UBE2M: variants seen among roughly 807,000 people sequenced by gnomAD.
UBE2M encodes the protein ubiquitin conjugating enzyme E2 M, also known as NEDD8-conjugating enzyme Ubc12.
A neutral mutation model predicts 23.5 loss-of-function variants in UBE2M; 2 were observed. The observed-to-expected ratio is 0.09, with a 90% CI of 0.03 to 0.27. UBE2M has a LOEUF of 0.27. UBE2M is among the 10% of genes least tolerant of loss of function. The probability of loss-of-function intolerance (pLI) is 1.00; values close to 1 mark genes in which losing one functional copy is unlikely to be tolerated. For synonymous variants in UBE2M, 97 were observed against 95.2 expected (o/e 1.02, Z -0.11); for missense variants, 103 against 232.9 (o/e 0.44, Z 3.63).
In UBE2M at chr19:58,555,953, G is replaced by C; in HGVS notation, c.*136C>G. 2.4e-6 allele frequency: 3 copies of C among 1,245,272 alleles called. No individual in the cohort carries two copies. The highest frequency in any genetic ancestry group is 3.3e-6 in the Non-Finnish European group (3 of 922,190). 77.1% of individuals were successfully genotyped at this position (1,245,272 alleles called of 1,614,324 possible). Reference sequence around the variant, plus strand: ...AAAAAAAAATAACTAGGGGCACGTGGCAGGAAGGGGAGGCAAGGCCAAGGC... The same window carrying C: ...AAAAAAAAATAACTAGGGGCACGTGCCAGGAAGGGGAGGCAAGGCCAAGGC... On this transcript the variant is annotated 3_prime_UTR_variant, in exon 6 of 6. Transcript: ENST00000253023.
chr19:58,555,786 C>T lies in UBE2M; in HGVS notation c.*303G>A. ...GGGTGGGTTGCCTGGGCCCAGCTACCCAGGCCCGTTGCCCACCCACTCCAC... is the reference window on the plus strand; with the variant it reads ...GGGTGGGTTGCCTGGGCCCAGCTACTCAGGCCCGTTGCCCACCCACTCCAC... On this transcript the variant is annotated 3_prime_UTR_variant, in exon 6 of 6. Coordinates refer to ENST00000253023, the MANE Select transcript of UBE2M (RefSeq NM_003969.4). The T allele has an allele frequency of 2.4e-6, 1 of 420,276 alleles. No individual in the cohort carries two copies. Among genetic ancestry groups the T allele is most frequent in the Non-Finnish European group, 4.4e-6 (1 of 225,954 alleles). 26.0% of individuals were successfully genotyped at this position (420,276 alleles called of 1,614,324 possible).
At position 58,556,495 on chromosome 19, in the gene UBE2M, G is replaced by GA. The variant is rs1233155129; in HGVS notation, c.348-117dup. The stretch of plus-strand genomic sequence containing the variant: ...GGAGAGTGAGCATGTGAGAGGCTGG[G>GA]AGGGAGGGTGTGGAGCAGGACAGGC... On this transcript the variant is annotated intron_variant, in intron 4 of 5. Coordinates refer to ENST00000253023, the MANE Select transcript of UBE2M (RefSeq NM_003969.4). The surrounding 1 kb of genome is among the most constrained non-coding windows in gnomAD (Gnocchi z 4.9). 1 of 1,226,408 alleles carries GA rather than the reference G, an allele frequency of 8.2e-7. No individual in the cohort carries two copies. The highest frequency in any genetic ancestry group is 1.5e-5 in the African/African-American group (1 of 66,352). The allele number at this position is 1,226,408 out of a possible 1,614,324, so 76.0% of individuals were successfully genotyped here. A position where few individuals can be genotyped will look rare whatever the true frequency, so the allele number is the denominator to read the frequency against.
At chr19:58,557,655 C>G (rs560856950) in intron 1 of UBE2M, among the ~76,000 whole-genome samples, 1 of 151,500 alleles carries the variant, frequency 6.6e-6, no homozygotes, top group African/African-American at 2.4e-5. Context: ...CCCCAACCCC[C>G]GCCACCCTAC....
rs1238327204 is a variant in UBE2M at position 58,555,838 on chromosome 19, C to G, written c.*251G>C. On this transcript the variant is annotated 3_prime_UTR_variant, in exon 6 of 6. Coordinates refer to ENST00000253023, the MANE Select transcript of UBE2M (RefSeq NM_003969.4). Reference sequence around the variant, plus strand: ...GCCCAGAGTGGGGGCTGAACAAGCACCCAGCAGGGGGGCTAGACAAGCCAA... The same window carrying G: ...GCCCAGAGTGGGGGCTGAACAAGCAGCCAGCAGGGGGGCTAGACAAGCCAA... 5.5e-6 allele frequency: 3 copies of G among 549,768 alleles called. No homozygotes were observed. Among genetic ancestry groups the G allele is most frequent in the Non-Finnish European group, 9.7e-6 (3 of 309,084 alleles). The allele number at this position is 549,768 out of a possible 1,614,324, so 34.1% of individuals were successfully genotyped here. A position where few individuals can be genotyped will look rare whatever the true frequency, so the allele number is the denominator to read the frequency against.
At position 58,558,257 on chromosome 19, in the gene UBE2M, T is replaced by A. The variant is rs773064183; in HGVS notation, c.109+16A>T. 6.3e-7 allele frequency: 1 copy of A among 1,579,540 alleles called. No individual in the cohort carries two copies. The highest frequency in any genetic ancestry group is 8.6e-7 in the Non-Finnish European group (1 of 1,160,978). ...CCTCCGACCTCCGGCTCCAACCCCA[T>A]CCCCTGACCCCCTACCCTTCTGGAT... On this transcript the variant is annotated intron_variant, in intron 1 of 5. Coordinates refer to ENST00000253023, the MANE Select transcript of UBE2M (RefSeq NM_003969.4). The surrounding 1 kb of genome is among the most constrained non-coding windows in gnomAD (Gnocchi z 4.7).
chr19:58,557,635 A>T (rs2053900998), intron 1 of UBE2M, among the ~76,000 whole-genome samples: 1 of 136,492 alleles, frequency 7.3e-6, no homozygotes, highest in Non-Finnish European at 1.6e-5. Context: ...TGACCCCCAC[A>T]CTCTCAAGTC....
In UBE2M at chr19:58,557,101, C is replaced by T. The variant is rs1254977149; in HGVS notation, c.166G>A (p.Asp56Asn). The change falls in exon 2 of 6, where the codon GAC (aspartate) becomes AAC (asparagine). Residue 56 changes from aspartate (D) to asparagine (N), a missense_variant. Asp to Asn is a conservative substitution (Grantham distance 23). This residue lies in a region of UBE2M where 57 missense variants were observed against 103.3 expected (regional missense o/e 0.55). Transcript: ENST00000253023. Reference sequence around the variant, plus strand: ...ATGACCAGCTTGAAGTTGAGGAGGTCGTCTGGATCTGAGAAGCTGATATCA... The same window carrying T: ...ATGACCAGCTTGAAGTTGAGGAGGTTGTCTGGATCTGAGAAGCTGATATCA... ...TCDISFSDPD[D>N]LLNFKLVICP... The T allele has an allele frequency of 1.2e-6, 2 of 1,613,930 alleles. No individual in the cohort carries two copies. The highest frequency in any genetic ancestry group is 2.2e-5 in the East Asian group (1 of 44,866).
rs2122656051 is a variant in UBE2M at position 58,556,552 on chromosome 19, A to G, written c.347+135T>C. On this transcript the variant is annotated intron_variant, in intron 4 of 5. Coordinates refer to ENST00000253023, the MANE Select transcript of UBE2M (RefSeq NM_003969.4). The surrounding 1 kb of genome is among the most constrained non-coding windows in gnomAD (Gnocchi z 4.9). ...GAAAACCAAGGTCAGGCCATGAGGAAGATGACTGGGAAATCAAGAAACCAC... is the reference window on the plus strand; with the variant it reads ...GAAAACCAAGGTCAGGCCATGAGGAGGATGACTGGGAAATCAAGAAACCAC... The G allele has an allele frequency of 2.8e-6, 3 of 1,072,126 alleles. No homozygotes were observed. The highest frequency in any genetic ancestry group is 5.1e-5 in the East Asian group (2 of 39,264). 66.4% of individuals were successfully genotyped at this position (1,072,126 alleles called of 1,614,324 possible).
At position 58,558,404 on chromosome 19, in the gene UBE2M, C is replaced by A. The variant is rs763458441; in HGVS notation, c.-23G>T. On this transcript the variant is annotated 5_prime_UTR_variant, in exon 1 of 6. Transcript: ENST00000253023. This position sits in a 1 kb window ranked among gnomAD's most constrained non-coding sequence, Gnocchi z 4.7. ...CATCCTGCCGCCGCCGCCGCCGCTG[C>A]CGCCGCCGCGGGGCCCGGGACCCCG... is the stretch of plus-strand genomic sequence containing the variant. 1.6e-6 allele frequency: 2 copies of A among 1,288,944 alleles called. No homozygotes were observed. Among genetic ancestry groups the A allele is most frequent in the Admixed American group, 2.6e-5 (1 of 37,872 alleles). 79.8% of individuals were successfully genotyped at this position (1,288,944 alleles called of 1,614,324 possible).
chr19:58,557,212 G>A (rs2053897578), intron 1 of UBE2M, 55 bp from the exon 2 acceptor site: 3 of 1,508,430 alleles, frequency 2.0e-6, no homozygotes, highest in South Asian at 2.2e-5. Flanking sequence ...AAGAGAGAGA[G>A]AGAGGGAGCC....
In UBE2M at chr19:58,556,470, G is replaced by A; in HGVS notation, c.348-91C>T. The stretch of plus-strand genomic sequence containing the variant: ...TTGGGCAGGTCAGATCCAGGGCATA[G>A]GAGAGTGAGCATGTGAGAGGCTGGG... On this transcript the variant is annotated intron_variant, in intron 4 of 5. Transcript: ENST00000253023. This position sits in a 1 kb window ranked among gnomAD's most constrained non-coding sequence, Gnocchi z 4.9. 1.4e-6 allele frequency: 2 copies of A among 1,405,652 alleles called. No homozygotes were observed. Among genetic ancestry groups the A allele is most frequent in the Non-Finnish European group, 2.0e-6 (2 of 1,006,202 alleles). The allele number at this position is 1,405,652 out of a possible 1,614,324, so 87.1% of individuals were successfully genotyped here.
chr19:58,556,553 G>C lies in UBE2M; in HGVS notation c.347+134C>G. ...AAAACCAAGGTCAGGCCATGAGGAA[G>C]ATGACTGGGAAATCAAGAAACCACA... is the stretch of plus-strand genomic sequence containing the variant. On this transcript the variant is annotated intron_variant, in intron 4 of 5. Coordinates refer to ENST00000253023, the MANE Select transcript of UBE2M (RefSeq NM_003969.4). The surrounding 1 kb of genome is among the most constrained non-coding windows in gnomAD (Gnocchi z 4.9). 1 of 1,075,756 alleles carries C rather than the reference G, an allele frequency of 9.3e-7. No homozygotes were observed. The highest frequency in any genetic ancestry group is 1.6e-5 in the South Asian group (1 of 62,442). 66.6% of individuals were successfully genotyped at this position (1,075,756 alleles called of 1,614,324 possible).
At position 58,556,349 on chromosome 19, in the gene UBE2M, G is replaced by A. The variant is rs1397452243; in HGVS notation, c.378C>T (p.Asn126=). The change falls in exon 5 of 6, where the codon AAC becomes AAT. Residue 126 remains asparagine (N), a synonymous_variant. Coordinates refer to ENST00000253023, the MANE Select transcript of UBE2M (RefSeq NM_003969.4). The surrounding 1 kb of genome is among the most constrained non-coding windows in gnomAD (Gnocchi z 4.9). ...GATACTGCAGGCCATAAATTATGGAGTTTATCGTAAGGACTGGCTTCCAGT... is the reference window on the plus strand; with the variant it reads ...GATACTGCAGGCCATAAATTATGGAATTTATCGTAAGGACTGGCTTCCAGT... ...REDWKPVLTI[N]SIIYGLQYLF... is the part of the protein sequence containing the mutation. The A allele has an allele frequency of 6.2e-7, 1 of 1,614,118 alleles. No homozygotes were observed. The highest frequency in any genetic ancestry group is 1.7e-5 in the Admixed American group (1 of 60,028).
At position 58,556,875 on chromosome 19, in the gene UBE2M, G is replaced by C. The variant is rs753837589; in HGVS notation, c.243+17C>G. On this transcript the variant is annotated intron_variant, in intron 3 of 5. Coordinates refer to ENST00000253023, the MANE Select transcript of UBE2M (RefSeq NM_003969.4). The surrounding 1 kb of genome is among the most constrained non-coding windows in gnomAD (Gnocchi z 4.9). ...CTCCTCTGTCCAGGGAGCCATCCCT[G>C]CCCGCCTGGGACTCACCTTAAAACT... 3 of 1,613,940 alleles carry C rather than the reference G, an allele frequency of 1.9e-6. No individual in the cohort carries two copies. In the African/African-American group the frequency reaches 4.0e-5, roughly 22 times the overall value.
At chr19:58,557,191 AGAGG>A (rs1445100011) in intron 1 of UBE2M, 34 bp from the exon 2 acceptor site, 1 of 1,601,360 alleles carries the variant, frequency 6.2e-7, no homozygotes. Flanking sequence ...GGGAACAGAA[AGAGG>A]GAGGGGAAGA....
chr19:58,556,129 C>G lies in UBE2M; in HGVS notation c.512G>C (p.Gly171Ala). The G allele has an allele frequency of 6.2e-7, 1 of 1,613,238 alleles. No individual in the cohort carries two copies. The highest frequency in any genetic ancestry group is 1.3e-5 in the African/African-American group (1 of 75,018). Residue 171 changes from glycine to alanine, a missense_variant, in exon 6 of 6, where the codon GGC (glycine) becomes GCC (alanine). By Grantham distance (60) the Gly-to-Ala change is moderately conservative. Coordinates refer to ENST00000253023, the MANE Select transcript of UBE2M (RefSeq NM_003969.4). This position sits in a 1 kb window ranked among gnomAD's most constrained non-coding sequence, Gnocchi z 4.9. Reference sequence around the variant, plus strand: ...CTCAAAGTAGGTGGAGCCGATGTAGCCACCCCGCATGGAGCGCTGCACGTT... The same window carrying G: ...CTCAAAGTAGGTGGAGCCGATGTAGGCACCCCGCATGGAGCGCTGCACGTT... Reference protein sequence around the residue: ...EQNVQRSMRGGYIGSTYFERC... With the variant: ...EQNVQRSMRGAYIGSTYFERC...
chr19:58,556,334 G>A lies in UBE2M; in HGVS notation c.393C>T (p.Gly131=). Residue 131 remains glycine (G), a synonymous_variant, in exon 5 of 6, where the codon GGC becomes GGT. Coordinates refer to ENST00000253023, the MANE Select transcript of UBE2M (RefSeq NM_003969.4). The surrounding 1 kb of genome is among the most constrained non-coding windows in gnomAD (Gnocchi z 4.9). Reference sequence around the variant, plus strand: ...TACTCACCAAGAAGAGATACTGCAGGCCATAAATTATGGAGTTTATCGTAA... The same window carrying A: ...TACTCACCAAGAAGAGATACTGCAGACCATAAATTATGGAGTTTATCGTAA... ...PVLTINSIIY[G]LQYLFLEPNP... is the part of the protein sequence containing the mutation. The A allele has an allele frequency of 2.5e-6, 4 of 1,614,110 alleles. No homozygotes were observed. The highest frequency in any genetic ancestry group is 3.4e-6 in the Non-Finnish European group (4 of 1,180,004).
In UBE2M at chr19:58,555,888, C is replaced by G. The variant is rs1038288500; in HGVS notation, c.*201G>C. Reference sequence around the variant, plus strand: ...ATTCATTTCCCATCGCTGAGTGGGTCGGGGGAGGCAGCGCCGACCTTAATC... The same window carrying G: ...ATTCATTTCCCATCGCTGAGTGGGTGGGGGGAGGCAGCGCCGACCTTAATC... On this transcript the variant is annotated 3_prime_UTR_variant, in exon 6 of 6. Coordinates refer to ENST00000253023, the MANE Select transcript of UBE2M (RefSeq NM_003969.4). 1 of 658,788 alleles carries G rather than the reference C, an allele frequency of 1.5e-6. No homozygotes were observed. The highest frequency in any genetic ancestry group is 1.8e-5 in the African/African-American group (1 of 54,674). The allele number at this position is 658,788 out of a possible 1,614,324, so 40.8% of individuals were successfully genotyped here.
In UBE2M at chr19:58,556,477, G is replaced by A. The variant is rs2053891398; in HGVS notation, c.348-98C>T. ...GGTCAGATCCAGGGCATAGGAGAGT[G>A]AGCATGTGAGAGGCTGGGAGGGAGG... is the stretch of plus-strand genomic sequence containing the variant. On this transcript the variant is annotated intron_variant, in intron 4 of 5. Coordinates refer to ENST00000253023, the MANE Select transcript of UBE2M (RefSeq NM_003969.4). The surrounding 1 kb of genome is among the most constrained non-coding windows in gnomAD (Gnocchi z 4.9). The A allele has an allele frequency of 6.8e-6, 9 of 1,320,588 alleles. No individual in the cohort carries two copies. In the South Asian group the frequency reaches 1.1e-4, roughly 16 times the overall value. The allele number at this position is 1,320,588 out of a possible 1,614,324, so 81.8% of individuals were successfully genotyped here.
Sources: gnomAD v4.1 joint callset for allele counts (sites outside exome capture counted in the v4.1 genomes callset) on GRCh38, gnomAD v4.1.1 for gene constraint, gnomAD v4.1.1 regional missense constraint, Gnocchi (gnomAD v3.1) non-coding constraint, MANE v1.5 for transcripts, NCBI Gene and HGNC (gene_info 2026-07-23, HGNC 2026-07-21) for gene names.